The following GARIN5A variants were observed in gnomAD, a reference collection of about 807,000 sequenced individuals.
The protein encoded by GARIN5A is golgi associated RAB2 interactor 5A, also known as Golgi-associated RAB2 interactor protein 5A.
the GARIN5A span, chr19:50,475,516 C>G: frequency 2.0e-6 from 3 of 1,489,346 alleles, no homozygotes; most frequent in East Asian, 6.9e-5. Context: ...GAGGAGGGAT[C>G]AGAGGTTAGG....
chr19:50,476,506 GGCTCACAGCCGTCCCTTC>G, the GARIN5A span: 1 of 1,571,292 alleles, frequency 6.4e-7, no homozygotes, highest in Non-Finnish European at 8.6e-7. Context: ...CGCGGCTCTT[GGCTCACAGCCGTCCCTTC>G]GCTGGTGGGA....
chr19:50,472,404 G>A, the GARIN5A span, among the ~76,000 whole-genome samples: 1 of 152,004 alleles, frequency 6.6e-6, no homozygotes, highest in Non-Finnish European at 1.5e-5. Flanking sequence ...GCTAGGAGGT[G>A]AGTCCTGAGG....
chr19:50,476,718 C>G, the GARIN5A span: 2 of 1,099,820 alleles, frequency 1.8e-6, no homozygotes, highest in Non-Finnish European at 2.5e-6. Context: ...GGTCTTGGGT[C>G]TTTAGGTGAG....
chr19:50,476,470 T>A, the GARIN5A span: 1 of 1,573,658 alleles, frequency 6.4e-7, no homozygotes, highest in Middle Eastern at 2.2e-4. Context: ...GGCGTCAGGA[T>A]GCGGCCTGTT....
chr19:50,473,380 C>T, the GARIN5A span, among the ~76,000 whole-genome samples: 7 of 151,780 alleles, frequency 4.6e-5, no homozygotes, highest in East Asian at 7.8e-4. Flanking sequence ...TTTTAGAGAA[C>T]GGGTCTCACT....
At chr19:50,468,438 G>A in the GARIN5A span, among the ~76,000 whole-genome samples, 1 of 148,268 alleles carries the variant, frequency 6.7e-6, no homozygotes, top group Non-Finnish European at 1.5e-5. Context: ...ATGTTCAACA[G>A]CCCACTTCTC....
At chr19:50,472,176 A>ATACATCTG in the GARIN5A span, among the ~76,000 whole-genome samples, 3 of 143,050 alleles carry the variant, frequency 2.1e-5, no homozygotes, top group South Asian at 2.1e-4. Flanking sequence ...ACGTGTGTAT[A>ATACATCTG]TGTATGTATA....
At chr19:50,476,624 G>T in the GARIN5A span, 1 of 1,554,438 alleles carries the variant, frequency 6.4e-7, no homozygotes, top group Non-Finnish European at 8.7e-7. Flanking sequence ...CGAGCCCGGG[G>T]CAGCGGCTGC....
the GARIN5A span, among the ~76,000 whole-genome samples, chr19:50,468,996 G>T: frequency 6.6e-6 from 1 of 152,150 alleles, no homozygotes; most frequent in African/African-American, 2.4e-5. Context: ...AGTCCCTACA[G>T]TCTGTTCCCC....
the GARIN5A span, chr19:50,475,254 A>C: frequency 6.7e-7 from 1 of 1,500,960 alleles, no homozygotes; most frequent in South Asian, 1.3e-5. Context: ...GGACGAGGGG[A>C]GGTACTGCTG....
the GARIN5A span, chr19:50,475,235 G>T: frequency 2.7e-6 from 4 of 1,474,184 alleles, no homozygotes; most frequent in Non-Finnish European, 3.6e-6. Flanking sequence ...CTGGCCCTGG[G>T]GGTGGTCTGG....
At chr19:50,475,431 T>C in the GARIN5A span, 9 of 1,608,868 alleles carry the variant, frequency 5.6e-6, no homozygotes, top group Non-Finnish European at 7.6e-6. Flanking sequence ...GTGACCTCGT[T>C]GGCAACTTCT....
chr19:50,472,151 T>C, the GARIN5A span, among the ~76,000 whole-genome samples: 2 of 151,504 alleles, frequency 1.3e-5, no homozygotes, highest in Non-Finnish European at 2.9e-5. Context: ...TGTATACGTG[T>C]GTATATGTAT....
At chr19:50,475,535 TA>T in the GARIN5A span, 5 of 1,365,460 alleles carry the variant, frequency 3.7e-6, no homozygotes, top group Non-Finnish European at 5.0e-6. Context: ...GGAATCTTGG[TA>T]GGGGAAAAGG....
the GARIN5A span, among the ~76,000 whole-genome samples, chr19:50,471,663 T>TGTATACGCATACATGCACGTGC: frequency 8.5e-6 from 1 of 118,054 alleles, no homozygotes; most frequent in Non-Finnish European, 1.8e-5. Context: ...CATGCACGTG[T>TGTATACGCATACATGCACGTGC]GTGTATACGC....
the GARIN5A span, among the ~76,000 whole-genome samples, chr19:50,471,908 G>GTATA: frequency 6.9e-6 from 1 of 145,442 alleles, no homozygotes; most frequent in African/African-American, 2.7e-5. Flanking sequence ...ATACATGTAT[G>GTATA]TGTGTATATG....
the GARIN5A span, among the ~76,000 whole-genome samples, chr19:50,474,168 C>CT: frequency 7.0e-5 from 9 of 128,212 alleles, no homozygotes; most frequent in Non-Finnish European, 1.3e-4. Context: ...CTTTTCTTTT[C>CT]TTTTTTATTC....
the GARIN5A span, among the ~76,000 whole-genome samples, chr19:50,472,550 GGTCATGATTCA>G: frequency 6.6e-6 from 1 of 152,092 alleles, no homozygotes. Flanking sequence ...TCCAACTGCA[GGTCATGATTCA>G]GTGAGTGATG....
chr19:50,471,949 TAC>T, the GARIN5A span, among the ~76,000 whole-genome samples: 2 of 150,348 alleles, frequency 1.3e-5, no homozygotes, highest in African/African-American at 5.0e-5. Flanking sequence ...TAAGTATATA[TAC>T]ATGTATGTAT....
Sources: gnomAD v4.1 joint callset for allele counts (sites outside exome capture counted in the v4.1 genomes callset) on GRCh38, gnomAD v4.1.1 for gene constraint, MANE v1.5 for transcripts, NCBI Gene and HGNC (gene_info 2026-07-23, HGNC 2026-07-21) for gene names.